Variants in NBEA observed in about 807,000 individuals in gnomAD.
The protein encoded by NBEA is neurobeachin.
Under a neutral mutation model 343.4 loss-of-function variants are expected in NBEA, and 44 were observed. That is an observed-to-expected ratio of 0.13 (90% CI 0.10 to 0.16). NBEA has a LOEUF of 0.16. Ranked by LOEUF, NBEA falls within the 10% of genes least tolerant of loss-of-function variation. The pLI, the probability that NBEA is intolerant of heterozygous loss-of-function variation, is 1.00. For missense variants in NBEA, 2,555 were observed against 3,631.3 expected, an observed-to-expected ratio of 0.70 and a Z score of 7.62; for synonymous variants, 1,175 against 1,238.7, an observed-to-expected ratio of 0.95 and a Z score of 1.08.
chr13:35,099,383 A>G (rs1328463832), intron 11 of NBEA, among the ~76,000 whole-genome samples: 4 of 151,892 alleles, frequency 2.6e-5, no homozygotes, highest in Admixed American at 6.6e-5. Flanking sequence ...TATTTTTAGT[A>G]GAGACAGGGT....
intron 48 of NBEA, among the ~76,000 whole-genome samples, chr13:35,622,134 A>G (rs1455659462): frequency 1.3e-5 from 2 of 152,220 alleles, no homozygotes; most frequent in Non-Finnish European, 2.9e-5. Context: ...TAGGTCTTCA[A>G]AAAGCAGGAA....
intron 7 of NBEA, among the ~76,000 whole-genome samples, chr13:35,056,527 A>G (rs376731614): frequency 2.6e-5 from 4 of 152,248 alleles, no homozygotes; most frequent in African/African-American, 9.6e-5. Flanking sequence ...AATTGGGGAT[A>G]CAGGAAGTAG....
chr13:35,003,340 C>T (rs1246983760), intron 1 of NBEA, among the ~76,000 whole-genome samples: 1 of 151,980 alleles, frequency 6.6e-6, no homozygotes, highest in African/African-American at 2.4e-5. Context: ...ACTGCACTAG[C>T]CTGGGCAACA....
intron 41 of NBEA, 112 bp from the exon 42 acceptor site, chr13:35,550,365 G>A: frequency 1.6e-6 from 1 of 615,250 alleles, no homozygotes; most frequent in Non-Finnish European, 2.7e-6. Context: ...ACAATGTTGT[G>A]ACAGACAGTG....
At chr13:35,381,277 C>T (rs1220673287) in intron 38 of NBEA, among the ~76,000 whole-genome samples, 3 of 151,908 alleles carry the variant, frequency 2.0e-5, no homozygotes, top group African/African-American at 4.8e-5. Flanking sequence ...CAAATTAGTG[C>T]CATTAAACAA....
At chr13:35,045,236 G>T in intron 3 of NBEA, 70 bp from the exon 4 acceptor site, 1 of 1,316,742 alleles carries the variant, frequency 7.6e-7, no homozygotes, top group Non-Finnish European at 1.1e-6. Flanking sequence ...AGTCCAATGG[G>T]TAACATGGTA....
chr13:35,482,291 T>TTATAAATATA (rs1369811092), intron 41 of NBEA, among the ~76,000 whole-genome samples: 1 of 151,514 alleles, frequency 6.6e-6, no homozygotes, highest in Non-Finnish European at 1.5e-5. Context: ...AAGAAGGAAA[T>TTATAAATATA]TAGTTTATAA....
At chr13:35,117,806 A>G (rs890699395) in intron 14 of NBEA, among the ~76,000 whole-genome samples, 20 of 152,024 alleles carry the variant, frequency 1.3e-4, no homozygotes, top group African/African-American at 4.6e-4. Context: ...GGCTTACATA[A>G]TGTATTTTAT....
At chr13:35,570,150 C>T (rs987500538) in intron 45 of NBEA, among the ~76,000 whole-genome samples, 1 of 152,204 alleles carries the variant, frequency 6.6e-6, no homozygotes, top group Non-Finnish European at 1.5e-5. Flanking sequence ...TCTCCTGCCT[C>T]AGCCTCCCAA....
intron 38 of NBEA, among the ~76,000 whole-genome samples, chr13:35,369,616 T>C (rs1255921210): frequency 1.3e-5 from 2 of 151,940 alleles, no homozygotes; most frequent in Non-Finnish European, 2.9e-5. Context: ...TTGGTTACAT[T>C]GTGAATAGGA....
intron 41 of NBEA, chr13:35,474,405 T>C (rs1308615407): frequency 6.5e-6 from 1 of 152,672 alleles, no homozygotes; most frequent in East Asian, 1.9e-4. Context: ...TATGGAATGT[T>C]AGAAATAGAA....
chr13:35,475,501 T>C (rs775748443), intron 41 of NBEA: 6 of 1,612,268 alleles, frequency 3.7e-6, no homozygotes, highest in Admixed American at 1.7e-5. Context: ...GTGGCACTCC[T>C]TGGACAAGAG....
At chr13:34,955,247 A>C (rs1345615231) in intron 1 of NBEA, among the ~76,000 whole-genome samples, 1 of 152,048 alleles carries the variant, frequency 6.6e-6, no homozygotes, top group Non-Finnish European at 1.5e-5. Context: ...CAGAATACTT[A>C]AAATGATAGT....
chr13:35,011,097 A>AT (rs2152533498), intron 1 of NBEA, among the ~76,000 whole-genome samples: 1 of 152,150 alleles, frequency 6.6e-6, no homozygotes, highest in South Asian at 2.1e-4. Flanking sequence ...GGCAGAGGAC[A>AT]TAGGTGGAAG....
chr13:35,419,738 A>T (rs1379823271), intron 38 of NBEA, among the ~76,000 whole-genome samples: 2 of 151,770 alleles, frequency 1.3e-5, no homozygotes, highest in African/African-American at 4.8e-5. Flanking sequence ...AAAACATGAA[A>T]AGAAGAGCAC....
chr13:35,315,245 C>A (rs1046881492), intron 36 of NBEA, among the ~76,000 whole-genome samples: 4 of 152,096 alleles, frequency 2.6e-5, no homozygotes, highest in Non-Finnish European at 2.9e-5. Flanking sequence ...CTTTTGAATA[C>A]AATTCATCAA....
Position 35,622,883 on chromosome 13 carries a change from T to A in NBEA, c.7450-5198T>A, listed in dbSNP as rs537258019. Among the ~76,000 whole-genome samples, 8 of 152,256 alleles carry A rather than the reference T, an allele frequency of 5.3e-5. No individual in the cohort carries two copies. In the East Asian group the frequency reaches 1.5e-3, roughly 29 times the overall value. On this transcript the variant is annotated intron_variant, in intron 48 of 58. Coordinates refer to ENST00000379939, the MANE Select transcript of NBEA (RefSeq NM_001385012.1). ...TGGTAGTCTACTTTCTTTTTTTTCA[T>A]AAATTTCGGAGAAGCTTTACCCCAA...
Position 35,196,349 on chromosome 13 carries a change from A to T in NBEA, c.5366+47A>T, listed in dbSNP as rs779849576. On this transcript the variant is annotated intron_variant, in intron 31 of 58. Transcript: ENST00000379939. ...CACAGGGCTTTATACATAAAAGGAA[A>T]ATTAGACTTTGTTAATTTTAAAATA... 5 of 1,492,336 alleles carry T rather than the reference A, an allele frequency of 3.4e-6. No homozygotes were observed. The East Asian group carries it at 1.2e-4, about 34-fold the overall frequency. The allele number at this position is 1,492,336 out of a possible 1,614,324, so 92.4% of individuals were successfully genotyped here. A position where few individuals can be genotyped will look rare whatever the true frequency, so the allele number is the denominator to read the frequency against.
intron 34 of NBEA, among the ~76,000 whole-genome samples, chr13:35,245,434 G>A (rs953249269): frequency 6.6e-6 from 1 of 151,992 alleles, no homozygotes; most frequent in African/African-American, 2.4e-5. Context: ...TCCAGGATTT[G>A]TCAAGATTTA....
Sources: allele counts gnomAD v4.1 joint callset (sites outside exome capture counted in the v4.1 genomes callset), GRCh38; gene constraint gnomAD v4.1.1; transcripts MANE v1.5; gene names NCBI Gene and HGNC (gene_info 2026-07-23, HGNC 2026-07-21).